LITAF: variants seen among roughly 807,000 people sequenced by gnomAD.
LITAF encodes lipopolysaccharide induced TNF factor.
LITAF carries 9 observed loss-of-function variants against 14.5 expected under a neutral mutation model. The observed-to-expected ratio is 0.62, with a 90% CI of 0.37 to 1.08. LITAF has a LOEUF of 1.08. Among genes scored for constraint, LITAF ranks in the 50% least tolerant of loss-of-function variants. LITAF has a pLI of 0.01. For missense variants in LITAF, 206 were observed against 213.4 expected (o/e 0.97, Z 0.22); for synonymous variants, 98 against 88.2 (o/e 1.11, Z -0.62).
intron 1 of LITAF, among the ~76,000 whole-genome samples, chr16:11,577,319 T>TTA (rs1159642811): frequency 9.2e-6 from 1 of 109,028 alleles, no homozygotes; most frequent in Non-Finnish European, 2.2e-5. Flanking sequence ...AGTGTCTATT[T>TTA]TTTTTTTTTT....
intron 3 of LITAF, among the ~76,000 whole-genome samples, chr16:11,603,833 G>A (rs887323363): frequency 1.3e-5 from 2 of 149,868 alleles, no homozygotes; most frequent in Admixed American, 1.3e-4. Context: ...TCACAAGGTC[G>A]GGAGATCGAG....
At chr16:11,554,094 T>G (rs988206235) in intron 2 of LITAF, among the ~76,000 whole-genome samples, 26 of 152,076 alleles carry the variant, frequency 1.7e-4, no homozygotes, top group Admixed American at 1.0e-3. Flanking sequence ...TAGCCCAGCG[T>G]GGGAGTACAC....
intron 1 of LITAF, among the ~76,000 whole-genome samples, chr16:11,573,301 G>A (rs1250656774): frequency 2.6e-5 from 4 of 152,060 alleles, no homozygotes; most frequent in Admixed American, 2.0e-4. Flanking sequence ...CATCCACCAG[G>A]CAAAGAGCAA....
Position 11,556,726 on chromosome 16 carries a change from G to A in LITAF, c.5C>T (p.Ser2Leu), listed in dbSNP as rs760802727. The change falls in exon 2 of 4, where the codon TCG (serine) becomes TTG (leucine). Residue 2 changes from serine to leucine, a missense_variant. Physicochemically the swap from Ser to Leu is moderately radical, Grantham distance 145 (BLOSUM62 -2). Coordinates refer to ENST00000622633, the MANE Select transcript of LITAF (RefSeq NM_001136472.2). MSVPGPYQAATG... is the reference protein window; with the variant it reads MLVPGPYQAATG... The stretch of plus-strand genomic sequence containing the variant: ...GGCCGCCTGGTAAGGTCCTGGAACC[G>A]ACATTTTACCTAAAACAGAAACAGA... The A allele has an allele frequency of 6.8e-6, 11 of 1,613,616 alleles. No homozygotes were observed. The highest frequency in any genetic ancestry group is 2.2e-5 in the East Asian group (1 of 44,896).
chr16:11,613,547 C>T (rs2064996701), intron 3 of LITAF, among the ~76,000 whole-genome samples: 3 of 152,218 alleles, frequency 2.0e-5, no homozygotes, highest in African/African-American at 7.2e-5. Flanking sequence ...CGGACAACTC[C>T]TGGAGGGTGG....
chr16:11,579,217 C>T (rs1029883373), intron 1 of LITAF, among the ~76,000 whole-genome samples: 13 of 151,642 alleles, frequency 8.6e-5, no homozygotes, highest in East Asian at 3.9e-4. Context: ...TTTGGGAGGC[C>T]GAGGCAGGTG....
intron 1 of LITAF, among the ~76,000 whole-genome samples, chr16:11,566,667 G>C (rs1228418149): frequency 1.3e-5 from 2 of 152,180 alleles, no homozygotes; most frequent in Non-Finnish European, 2.9e-5. Context: ...CGGAGGCTGA[G>C]ATAGGAGGAT....
chr16:11,639,579 T>C (rs2065156257), upstream of LITAF, among the ~76,000 whole-genome samples: 1 of 151,642 alleles, frequency 6.6e-6, no homozygotes, highest in Non-Finnish European at 1.5e-5. Context: ...TTTCTTTATA[T>C]TTGGACATTT....
At chr16:11,607,006 G>A (rs2064958448) in intron 3 of LITAF, among the ~76,000 whole-genome samples, 1 of 152,142 alleles carries the variant, frequency 6.6e-6, no homozygotes, top group African/African-American at 2.4e-5. Flanking sequence ...TATGGATGAG[G>A]AAACTGAGTT....
upstream of LITAF, among the ~76,000 whole-genome samples, chr16:11,589,925 G>C (rs1290854619): frequency 2.2e-4 from 12 of 54,266 alleles, no homozygotes; most frequent in East Asian, 8.5e-4. Context: ...CACCCAGCCA[G>C]TTGCATTTCT....
chr16:11,560,597 T>A lies in LITAF; in HGVS notation c.-5-3862A>T, dbSNP rs371339090. On this transcript the variant is annotated intron_variant, in intron 1 of 3. Transcript: ENST00000622633. ...GATTCCATCTCAAAAAAAAAAAAAA[T>A]GTAGCTACTAAAAAATTTTAAATGA... is the stretch of plus-strand genomic sequence containing the variant. Among the ~76,000 whole-genome samples the A allele has an allele frequency of 1.8e-3, 235 of 131,588 alleles. 1 individual carries two copies. The highest frequency in any genetic ancestry group is 3.0e-3 in the Non-Finnish European group (183 of 60,736). 86.3% of individuals were successfully genotyped at this position (131,588 alleles called of 152,430 possible). A position where few individuals can be genotyped will look rare whatever the true frequency, so the allele number is the denominator to read the frequency against.
At chr16:11,569,940 A>T (rs1489584855) in intron 1 of LITAF, among the ~76,000 whole-genome samples, 1 of 151,804 alleles carries the variant, frequency 6.6e-6, no homozygotes, top group South Asian at 2.1e-4. Context: ...AGGCTGAGGC[A>T]GAATTGCTTG....
At chr16:11,580,858 A>G (rs552676322) in intron 1 of LITAF, among the ~76,000 whole-genome samples, 1 of 152,106 alleles carries the variant, frequency 6.6e-6, no homozygotes, top group South Asian at 2.1e-4. Flanking sequence ...TCGACCTCCC[A>G]GGCTCAAGCG....
intron 1 of LITAF, among the ~76,000 whole-genome samples, chr16:11,577,044 T>C (rs186701587): frequency 6.6e-5 from 10 of 152,334 alleles, no homozygotes; most frequent in African/African-American, 2.4e-4. Context: ...TGACACCACA[T>C]GATCTAGCCC....
In LITAF at chr16:11,549,064, A is replaced by T. The variant is rs1567232691; in HGVS notation, c.*573T>A. Reference sequence around the variant, plus strand: ...CCCCCTCCTTGTATTTAAAAAAAAAATTAAGAAATTAAAGTGAATCTGTGT... The same window carrying T: ...CCCCCTCCTTGTATTTAAAAAAAAATTTAAGAAATTAAAGTGAATCTGTGT... On this transcript the variant is annotated 3_prime_UTR_variant, in exon 4 of 4. Coordinates refer to ENST00000622633, the MANE Select transcript of LITAF (RefSeq NM_001136472.2). The surrounding 1 kb of genome is among the most constrained non-coding windows in gnomAD (Gnocchi z 4.6). 4.4e-6 allele frequency: 2 copies of T among 453,302 alleles called. No homozygotes were observed. The highest frequency in any genetic ancestry group is 3.1e-5 in the South Asian group (2 of 64,314). The allele number at this position is 453,302 out of a possible 1,614,324, so 28.1% of individuals were successfully genotyped here.
chr16:11,569,550 A>C (rs1212051063), intron 1 of LITAF, among the ~76,000 whole-genome samples: 1 of 152,218 alleles, frequency 6.6e-6, no homozygotes, highest in East Asian at 1.9e-4. Flanking sequence ...AAATTTCAGA[A>C]ACACCTCTGT....
chr16:11,565,960 C>A (rs552953095), intron 1 of LITAF, among the ~76,000 whole-genome samples: 3 of 151,964 alleles, frequency 2.0e-5, no homozygotes, highest in Non-Finnish European at 2.9e-5. Context: ...TCCAGGCGCC[C>A]CATGCCCCAG....
chr16:11,595,431 T>C (rs964963478), intron 1 of LITAF, among the ~76,000 whole-genome samples: 1 of 151,962 alleles, frequency 6.6e-6, no homozygotes, highest in African/African-American at 2.4e-5. Context: ...ATCTAGCACA[T>C]AACTATGAAG....
Position 11,558,145 on chromosome 16 carries a change from C to T in LITAF, c.-5-1410G>A, listed in dbSNP as rs78796297. ...ACTGTCTGCCTCATTTTCTAGAACT[C>T]GTGGGAAGCCAAGGCAGCAATTAAT... On this transcript the variant is annotated intron_variant, in intron 1 of 3. Transcript: ENST00000622633. The surrounding 1 kb of genome is among the most constrained non-coding windows in gnomAD (Gnocchi z 4.1). Among the ~76,000 whole-genome samples, 10,953 of 152,222 alleles carry T rather than the reference C, an allele frequency of 0.072. 436 individuals carry two copies. Among genetic ancestry groups the T allele is most frequent in the Middle Eastern group, 0.11 (33 of 294 alleles).
Sources: gnomAD v4.1 joint callset for allele counts (sites outside exome capture counted in the v4.1 genomes callset) on GRCh38, gnomAD v4.1.1 for gene constraint, Gnocchi (gnomAD v3.1) non-coding constraint, MANE v1.5 for transcripts, NCBI Gene and HGNC (gene_info 2026-07-23, HGNC 2026-07-21) for gene names.